The following LMX1A variants were observed in gnomAD, a reference collection of about 807,000 sequenced individuals.
LMX1A encodes the protein LIM homeobox transcription factor 1-alpha.
In LMX1A, 15 loss-of-function variants were observed where a neutral mutation model predicts 49.1. That is an observed-to-expected ratio of 0.31 (90% CI 0.20 to 0.47). LMX1A has a LOEUF of 0.47. Ranked by LOEUF, LMX1A falls within the 20% of genes least tolerant of loss-of-function variation. The pLI is 1.00. For synonymous variants in LMX1A, 167 were observed against 185.7 expected (o/e 0.90, Z 0.82); for missense variants, 372 against 475.8 (o/e 0.78, Z 2.03).
At chr1:165,351,807 C>A (rs1439027863) in intron 3 of LMX1A, among the ~76,000 whole-genome samples, 1 of 152,164 alleles carries the variant, frequency 6.6e-6, no homozygotes, top group African/African-American at 2.4e-5. Context: ...AATAAATAAA[C>A]TTCTATTTAT....
intron 3 of LMX1A, among the ~76,000 whole-genome samples, chr1:165,311,766 A>G (rs1441188404): frequency 6.6e-6 from 1 of 152,224 alleles, no homozygotes; most frequent in Non-Finnish European, 1.5e-5. Flanking sequence ...TCTCCTGCAC[A>G]AAGGCATTCA....
intron 3 of LMX1A, among the ~76,000 whole-genome samples, chr1:165,309,770 T>G (rs1337662018): frequency 3.3e-5 from 5 of 152,194 alleles, no homozygotes; most frequent in Non-Finnish European, 7.3e-5. Flanking sequence ...GTTGGTAAGC[T>G]GGTCTTGACA....
At chr1:165,236,186 G>C (rs1188130899) in intron 4 of LMX1A, among the ~76,000 whole-genome samples, 1 of 152,224 alleles carries the variant, frequency 6.6e-6, no homozygotes, top group Non-Finnish European at 1.5e-5. Context: ...AGTTGCCAAG[G>C]TAACGGGTGA....
chr1:165,339,521 G>A (rs1240415812), intron 3 of LMX1A, among the ~76,000 whole-genome samples: 1 of 152,196 alleles, frequency 6.6e-6, no homozygotes, highest in Non-Finnish European at 1.5e-5. Context: ...GCATTGAGAT[G>A]ACTGGTATCT....
chr1:165,294,716 C>A (rs1023080397), intron 3 of LMX1A, among the ~76,000 whole-genome samples: 1 of 152,202 alleles, frequency 6.6e-6, no homozygotes. Context: ...GTAATCCCAG[C>A]GCTTCGGGAG....
intron 4 of LMX1A, chr1:165,218,833 A>T (rs932338736): frequency 3.3e-5 from 5 of 152,092 alleles, no homozygotes; most frequent in African/African-American, 4.8e-5. Context: ...TCCCAGATGC[A>T]GGCTGGAGCG....
intron 4 of LMX1A, among the ~76,000 whole-genome samples, chr1:165,231,259 G>A (rs780070507): frequency 2.0e-5 from 3 of 150,884 alleles, no homozygotes; most frequent in Non-Finnish European, 3.0e-5. Flanking sequence ...TTTTGAGGGT[G>A]TTGTTTAAAA....
At position 165,205,966 on chromosome 1, in the gene LMX1A, G is replaced by A; in HGVS notation, c.886C>T (p.Pro296Ser). The A allele has an allele frequency of 6.2e-7, 1 of 1,613,552 alleles. No individual in the cohort carries two copies. Among genetic ancestry groups the A allele is most frequent in the Non-Finnish European group, 8.5e-7 (1 of 1,179,742 alleles). Residue 296 changes from proline to serine, a missense_variant, in exon 8 of 9, where the codon CCA becomes TCA. This residue lies in a region of LMX1A where 127 missense variants were observed against 138.0 expected (regional missense o/e 0.92). Transcript: ENST00000342310. The stretch of plus-strand genomic sequence containing the variant: ...TGCTCGATGGCCAGGAGCTGCTGTG[G>A]GGTGGGCAGAGCCGTGTAGGGGTTC... The part of the protein sequence containing the change: ...IMNPYTALPT[P>S]QQLLAIEQSV...
At chr1:165,217,919 C>T (rs1211852647) in intron 4 of LMX1A, among the ~76,000 whole-genome samples, 2 of 152,228 alleles carry the variant, frequency 1.3e-5, no homozygotes, top group Non-Finnish European at 1.5e-5. Flanking sequence ...CTAAGAAGCA[C>T]TTCATGCTCT....
chr1:165,274,637 C>T (rs1653908572), intron 3 of LMX1A, among the ~76,000 whole-genome samples: 1 of 152,174 alleles, frequency 6.6e-6, no homozygotes, highest in African/African-American at 2.4e-5. Context: ...GATGGATGGC[C>T]ACCACCCTCA....
intron 3 of LMX1A, among the ~76,000 whole-genome samples, chr1:165,335,985 C>A (rs757845069): frequency 2.1e-4 from 32 of 152,002 alleles, no homozygotes; most frequent in Non-Finnish European, 4.0e-4. Flanking sequence ...GCCTACTCTG[C>A]AATTGGTTGG....
chr1:165,266,823 G>A (rs1337943351), intron 3 of LMX1A, among the ~76,000 whole-genome samples: 2 of 151,822 alleles, frequency 1.3e-5, no homozygotes. Flanking sequence ...GGGTGGTCTC[G>A]ATCTCCTGAC....
chr1:165,235,592 G>A (rs984504308), intron 4 of LMX1A, among the ~76,000 whole-genome samples: 1 of 152,064 alleles, frequency 6.6e-6, no homozygotes, highest in African/African-American at 2.4e-5. Context: ...CCCTAATCCC[G>A]GGCCCGCCTG....
chr1:165,233,992 C>G (rs1405575481), intron 4 of LMX1A, among the ~76,000 whole-genome samples: 1 of 152,194 alleles, frequency 6.6e-6, no homozygotes, highest in Middle Eastern at 3.2e-3. Context: ...AATGTTACCC[C>G]AACTCCAATC....
intron 3 of LMX1A, among the ~76,000 whole-genome samples, chr1:165,262,831 A>AATT (rs140476932): frequency 2.0e-5 from 3 of 151,978 alleles, no homozygotes; most frequent in African/African-American, 7.3e-5. Context: ...AAAAAAAAAA[A>AATT]TTTTAATTAC....
chr1:165,225,042 G>T lies in LMX1A; in HGVS notation c.497-11229C>A, dbSNP rs542527090. On this transcript the variant is annotated intron_variant, in intron 4 of 8. Transcript: ENST00000342310. ...GATGGAGAGAAGGAGGGCGACTGAA[G>T]AAAATAAAATGGAAACAGGGCAGAG... is the stretch of plus-strand genomic sequence containing the variant. 2.0e-5 allele frequency among the ~76,000 whole-genome samples: 3 copies of T among 152,300 alleles called. No individual in the cohort carries two copies. In the East Asian group the frequency reaches 5.8e-4, roughly 29 times the overall value.
intron 3 of LMX1A, among the ~76,000 whole-genome samples, chr1:165,317,318 C>A (rs1389512530): frequency 6.6e-6 from 1 of 152,104 alleles, no homozygotes; most frequent in African/African-American, 2.4e-5. Flanking sequence ...ATGGGAAATA[C>A]CTGAATATTT....
chr1:165,223,126 A>T (rs1651911308), intron 4 of LMX1A, among the ~76,000 whole-genome samples: 1 of 152,218 alleles, frequency 6.6e-6, no homozygotes, highest in Admixed American at 6.5e-5. Flanking sequence ...TCAAGAAAAA[A>T]AAAATGGCCT....
chr1:165,271,511 G>A (rs975356515), intron 3 of LMX1A, among the ~76,000 whole-genome samples: 1 of 152,156 alleles, frequency 6.6e-6, no homozygotes, highest in Non-Finnish European at 1.5e-5. Flanking sequence ...TAGTTCACCT[G>A]GGATCTGGCC....
Sources: gnomAD v4.1 joint callset for allele counts (sites outside exome capture counted in the v4.1 genomes callset) on GRCh38, gnomAD v4.1.1 for gene constraint, gnomAD v4.1.1 regional missense constraint, MANE v1.5 for transcripts, NCBI Gene and HGNC (gene_info 2026-07-23, HGNC 2026-07-21) for gene names.